The following PRAMEF2 variants were observed in gnomAD, a reference collection of about 807,000 sequenced individuals.
The protein encoded by PRAMEF2 is PRAME family member 2.
A neutral mutation model predicts 38.0 loss-of-function variants in PRAMEF2; 35 were observed. The ratio of observed to expected loss-of-function variants is 0.92; its 90% CI spans 0.70 to 1.22. PRAMEF2 has a LOEUF of 1.22. Among genes scored for constraint, PRAMEF2 ranks in the 50% most tolerant of loss-of-function variants. PRAMEF2 has a pLI of 0.00. For missense variants in PRAMEF2, 562 were observed against 553.9 expected (o/e 1.01, Z -0.15); for synonymous variants, 240 against 232.4 (o/e 1.03, Z -0.30).
At position 12,859,197 on chromosome 1, in the gene PRAMEF2, G is replaced by A. The variant is rs552077363; in HGVS notation, c.188G>A (p.Cys63Tyr). 6.2e-7 allele frequency: 1 copy of A among 1,609,690 alleles called. No homozygotes were observed. Among genetic ancestry groups the A allele is most frequent in the African/African-American group, 1.3e-5 (1 of 74,556 alleles). ...ATGGTGCAGGCCTGGCCTTTCACCTGCCTCCCTCTGGTATCGCTGATGAAG... is the reference window on the plus strand; with the variant it reads ...ATGGTGCAGGCCTGGCCTTTCACCTACCTCCCTCTGGTATCGCTGATGAAG... ...TVMVQAWPFT[C>Y]LPLVSLMKTL... Residue 63 changes from cysteine to tyrosine, a missense_variant, in exon 2 of 4, where the codon TGC becomes TAC. Cys to Tyr is a radical substitution (Grantham distance 194). Around this residue, in one of 2 missense-constraint regions of PRAMEF2, gnomAD observed 486 missense variants for 444.2 expected, o/e 1.09. Coordinates refer to ENST00000240189, the MANE Select transcript of PRAMEF2 (RefSeq NM_023014.1).
chr1:12,858,089 G>A (rs139502178), intron 1 of PRAMEF2, among the ~76,000 whole-genome samples: 1 of 149,212 alleles, frequency 6.7e-6, no homozygotes, highest in East Asian at 2.0e-4. Flanking sequence ...GTTTTTTTCT[G>A]CGATGTACTC....
At chr1:12,858,765 C>T (rs1640488227) in intron 1 of PRAMEF2, among the ~76,000 whole-genome samples, 1 of 149,680 alleles carries the variant, frequency 6.7e-6, no homozygotes, top group African/African-American at 2.5e-5. Context: ...ATTAATGGGT[C>T]AATGGTCTCT....
chr1:12,859,670 C>T (rs138699965), intron 2 of PRAMEF2, 23 bp from the exon 3 acceptor site: 145,564 of 1,542,706 alleles, frequency 0.094, 11,344 homozygotes, highest in African/African-American at 0.13. Context: ...AAATTCTGAG[C>T]CTCTCCCTTA....
In PRAMEF2 at chr1:12,859,409, C is replaced by G. The variant is rs200583219; in HGVS notation, c.287+113C>G. 2 of 1,521,900 alleles carry G rather than the reference C, an allele frequency of 1.3e-6. 1 individual carries two copies. Among genetic ancestry groups the G allele is most frequent in the Non-Finnish European group, 1.8e-6 (2 of 1,120,360 alleles). The allele number at this position is 1,521,900 out of a possible 1,614,324, so 94.3% of individuals were successfully genotyped here. A position where few individuals can be genotyped will look rare whatever the true frequency, so the allele number is the denominator to read the frequency against. On this transcript the variant is annotated intron_variant, in intron 2 of 3. Transcript: ENST00000240189. ...GCCCAGAGTCTTCTGATGGTGTTGG[C>G]GAGGAAGCTCAGGGAGGCTTTGGCC... is the stretch of plus-strand genomic sequence containing the variant.
chr1:12,859,898 A>C lies in PRAMEF2; in HGVS notation c.493A>C (p.Arg165=), dbSNP rs745847481. The change falls in exon 3 of 4, where the codon AGA becomes CGA. Residue 165 remains arginine (R), a synonymous_variant. Coordinates refer to ENST00000240189, the MANE Select transcript of PRAMEF2 (RefSeq NM_023014.1). ...LKEIPQDECL[R]YLFQWVYQRR... is the part of the protein sequence containing the mutation. The stretch of plus-strand genomic sequence containing the variant: ...GGAAATACCCCAGGATGAATGCCTG[A>C]GATACCTCTTCCAGTGGGTTTACCA... The C allele has an allele frequency of 5.6e-6, 9 of 1,608,394 alleles. 2 individuals carry two copies. In the Admixed American group the frequency reaches 1.5e-4, roughly 28 times the overall value.
chr1:12,859,666 T>C lies in PRAMEF2; in HGVS notation c.288-27T>C, dbSNP rs368960631. The C allele has an allele frequency of 1.7e-5, 27 of 1,605,592 alleles. No homozygotes were observed. The East Asian group carries it at 4.2e-4, about 25-fold the overall frequency. ...GTCAGGGATGAGTCCCTCTAAATTC[T>C]GAGCCTCTCCCTTACTTTACCCACA... On this transcript the variant is annotated intron_variant, in intron 2 of 3. Coordinates refer to ENST00000240189, the MANE Select transcript of PRAMEF2 (RefSeq NM_023014.1).
chr1:12,858,763 G>C (rs1381545673), intron 1 of PRAMEF2, among the ~76,000 whole-genome samples: 1 of 149,778 alleles, frequency 6.7e-6, no homozygotes, highest in African/African-American at 2.5e-5. Flanking sequence ...AAATTAATGG[G>C]TCAATGGTCT....
rs2982215 is a variant in PRAMEF2 at position 12,861,745 on chromosome 1, C to G, written c.1391C>G (p.Pro464Arg). ...CCCTGCCCTTCCTGTGGCTCATCACCGTCTGAGGAACTGGAGCTCCATCTT... is the reference window on the plus strand; with the variant it reads ...CCCTGCCCTTCCTGTGGCTCATCACGGTCTGAGGAACTGGAGCTCCATCTT... ...PTPCPSCGSS[P>R]SEELELHLCC Residue 464 changes from proline (P) to arginine (R), a missense_variant, in exon 4 of 4, where the codon CCG (proline) becomes CGG (arginine). By Grantham distance (103) the Pro-to-Arg change is moderately radical. Transcript: ENST00000240189. 7 of 1,593,342 alleles carry G rather than the reference C, an allele frequency of 4.4e-6. No individual in the cohort carries two copies.
rs143697879 is a variant in PRAMEF2, at chr1:12,860,253, A to G, written c.848A>G (p.His283Arg). The part of the protein sequence containing the change: ...KIKLITFFSG[H>R]LEQLIRCLQN... ...AAATTGATCACCTTCTTCAGTGGGCACCTGGAACAGCTGATCAGGTGAGAA... is the reference window on the plus strand; with the variant it reads ...AAATTGATCACCTTCTTCAGTGGGCGCCTGGAACAGCTGATCAGGTGAGAA... The change falls in exon 3 of 4, where the codon CAC becomes CGC. Residue 283 changes from histidine to arginine, a missense_variant. Transcript: ENST00000240189. The G allele has an allele frequency of 2.1e-4, 336 of 1,606,860 alleles. 8 individuals are homozygous for G. Among genetic ancestry groups the G allele is most frequent in the Non-Finnish European group, 2.7e-4 (313 of 1,176,668 alleles).
rs748828726 is a variant in PRAMEF2, at chr1:12,861,379, C to T, written c.1025C>T (p.Ala342Val). The T allele has an allele frequency of 3.1e-6, 5 of 1,605,296 alleles. No individual in the cohort carries two copies. The highest frequency in any genetic ancestry group is 2.6e-6 in the Non-Finnish European group (3 of 1,175,716). ...LFRISLEPLG[A>V]LLEKIAASLE... ...CGCATCAGTCTTGAACCCCTAGGAGCTCTGCTAGAGAAAATTGCTGCCTCT... is the reference window on the plus strand; with the variant it reads ...CGCATCAGTCTTGAACCCCTAGGAGTTCTGCTAGAGAAAATTGCTGCCTCT... Residue 342 changes from alanine to valine, a missense_variant, in exon 4 of 4, where the codon GCT (alanine) becomes GTT (valine). Coordinates refer to ENST00000240189, the MANE Select transcript of PRAMEF2 (RefSeq NM_023014.1).
Position 12,860,187 on chromosome 1 carries a change from C to G in PRAMEF2, c.782C>G (p.Ser261Cys). The G allele has an allele frequency of 6.8e-6, 11 of 1,607,012 alleles. No homozygotes were observed. The highest frequency in any genetic ancestry group is 9.3e-6 in the Non-Finnish European group (11 of 1,176,648). Reference protein sequence around the residue: ...LEGWLVTRFTSVFLRLEHLQL... With the variant: ...LEGWLVTRFTCVFLRLEHLQL... ...GGATGGTTAGTCACCAGATTCACCT[C>G]TGTGTTCCTCAGGCTGGAACACCTC... The change falls in exon 3 of 4, where the codon TCT becomes TGT. Residue 261 changes from serine (S) to cysteine (C), a missense_variant. Coordinates refer to ENST00000240189, the MANE Select transcript of PRAMEF2 (RefSeq NM_023014.1).
At position 12,861,204 on chromosome 1, in the gene PRAMEF2, C is replaced by T; in HGVS notation, c.867-17C>T. 6.2e-7 allele frequency: 1 copy of T among 1,603,584 alleles called. No homozygotes were observed. Among genetic ancestry groups the T allele is most frequent in the Non-Finnish European group, 8.5e-7 (1 of 1,173,528 alleles). On this transcript the variant is annotated splice_polypyrimidine_tract_variant and intron_variant, in intron 3 of 3. Transcript: ENST00000240189. ...AACTGGTACCATTGCCCAGAACTAA[C>T]TTCTTGATCTCCACAGGTGCCTCCA...
Position 12,860,776 on chromosome 1 carries a change from G to A in PRAMEF2, c.867-445G>A, listed in dbSNP as rs995531145. ...ATTGACATGGGAAATGCGTGCTTCC[G>A]GGATGGAGGTGAGGGAGTAGGCGTG... is the stretch of plus-strand genomic sequence containing the variant. On this transcript the variant is annotated intron_variant, in intron 3 of 3. Coordinates refer to ENST00000240189, the MANE Select transcript of PRAMEF2 (RefSeq NM_023014.1). 4.7e-5 allele frequency among the ~76,000 whole-genome samples: 7 copies of A among 150,292 alleles called. 1 individual carries two copies. The highest frequency in any genetic ancestry group is 1.2e-4 in the African/African-American group (5 of 40,944).
Position 12,861,701 on chromosome 1 carries a change from G to A in PRAMEF2, c.1347G>A (p.Arg449=), listed in dbSNP as rs757772198. Reference sequence around the variant, plus strand: ...TGAGGGAATTCAGGCAGCCCAAGAGGATCTTCATTGGCCCCACCCCCTGCC... The same window carrying A: ...TGAGGGAATTCAGGCAGCCCAAGAGAATCTTCATTGGCCCCACCCCCTGCC... ...CTLREFRQPK[R]IFIGPTPCPS... Residue 449 remains arginine, a synonymous_variant, in exon 4 of 4, where the codon AGG becomes AGA. Coordinates refer to ENST00000240189, the MANE Select transcript of PRAMEF2 (RefSeq NM_023014.1). The A allele has an allele frequency of 6.3e-7, 1 of 1,576,972 alleles. No homozygotes were observed. Among genetic ancestry groups the A allele is most frequent in the Non-Finnish European group, 8.6e-7 (1 of 1,157,814 alleles).
Position 12,860,325 on chromosome 1 carries a change from T to A in PRAMEF2, c.866+54T>A, listed in dbSNP as rs1382247933. The A allele has an allele frequency of 2.1e-5, 34 of 1,597,086 alleles. 2 individuals carry two copies. The highest frequency in any genetic ancestry group is 2.6e-5 in the Non-Finnish European group (31 of 1,170,800). Reference sequence around the variant, plus strand: ...AGACCACAGCACAGACTTGTTCTGTTACAGCAAACATTAGAAGGCGTGTAC... The same window carrying A: ...AGACCACAGCACAGACTTGTTCTGTAACAGCAAACATTAGAAGGCGTGTAC... On this transcript the variant is annotated intron_variant, in intron 3 of 3. Transcript: ENST00000240189.
At chr1:12,861,090 C>A in intron 3 of PRAMEF2, 131 bp from the exon 4 acceptor site, 1 of 1,111,828 alleles carries the variant, frequency 9.0e-7, no homozygotes, top group Non-Finnish European at 1.3e-6. Context: ...CAGCAACTTC[C>A]ATGAGGACCA....
chr1:12,860,589 T>A (rs1345560493), intron 3 of PRAMEF2, among the ~76,000 whole-genome samples: 1 of 149,994 alleles, frequency 6.7e-6, no homozygotes, highest in African/African-American at 2.4e-5. Context: ...CAAGTTGATA[T>A]GATGTCAAAG....
In PRAMEF2 at chr1:12,859,166, A is replaced by T; in HGVS notation, c.157A>T (p.Thr53Ser). 2 of 1,608,282 alleles carry T rather than the reference A, an allele frequency of 1.2e-6. No individual in the cohort carries two copies. ...CAGCAGGAGACACTTCCAGACTCTGACGGTGATGGTGCAGGCCTGGCCTTT... is the reference window on the plus strand; with the variant it reads ...CAGCAGGAGACACTTCCAGACTCTGTCGGTGATGGTGCAGGCCTGGCCTTT... Reference protein sequence around the residue: ...AFSRRHFQTLTVMVQAWPFTC... With the variant: ...AFSRRHFQTLSVMVQAWPFTC... Residue 53 changes from threonine (T) to serine (S), a missense_variant, in exon 2 of 4, where the codon ACG becomes TCG. Coordinates refer to ENST00000240189, the MANE Select transcript of PRAMEF2 (RefSeq NM_023014.1).
In PRAMEF2 at chr1:12,859,841, C is replaced by A; in HGVS notation, c.436C>A (p.Pro146Thr). 6.2e-7 allele frequency: 1 copy of A among 1,607,384 alleles called. No individual in the cohort carries two copies. Among genetic ancestry groups the A allele is most frequent in the South Asian group, 1.1e-5 (1 of 90,800 alleles). Residue 146 changes from proline (P) to threonine (T), a missense_variant, in exon 3 of 4, where the codon CCC (proline) becomes ACC (threonine). Pro to Thr is a conservative substitution (Grantham distance 38). Around this residue, in one of 2 missense-constraint regions of PRAMEF2, gnomAD observed 486 missense variants for 444.2 expected, o/e 1.09. Coordinates refer to ENST00000240189, the MANE Select transcript of PRAMEF2 (RefSeq NM_023014.1). Reference protein sequence around the residue: ...EDCPRTGEHQPLKVFIDICLK... With the variant: ...EDCPRTGEHQTLKVFIDICLK... ...CTGTCCAAGGACGGGAGAGCACCAGCCCTTAAAGGTGTTCATAGACATCTG... is the reference window on the plus strand; with the variant it reads ...CTGTCCAAGGACGGGAGAGCACCAGACCTTAAAGGTGTTCATAGACATCTG...
Sources: gnomAD v4.1 joint callset for allele counts (sites outside exome capture counted in the v4.1 genomes callset) on GRCh38, gnomAD v4.1.1 for gene constraint, gnomAD v4.1.1 regional missense constraint, MANE v1.5 for transcripts, NCBI Gene and HGNC (gene_info 2026-07-23, HGNC 2026-07-21) for gene names.